The following SLC60A1 variants were observed in gnomAD, a reference collection of about 807,000 sequenced individuals.
SLC60A1 encodes the protein major facilitator superfamily domain containing 4.
chr1:205,569,494 C>CCCTCA, the SLC60A1 span, among the ~76,000 whole-genome samples: 2 of 148,328 alleles, frequency 1.3e-5, no homozygotes, highest in African/African-American at 4.9e-5. Context: ...CTCCCTCCCT[C>CCCTCA]CCCCGCAGCT....
At chr1:205,584,896 T>C in the SLC60A1 span, 1 of 1,614,108 alleles carries the variant, frequency 6.2e-7, no homozygotes, top group Non-Finnish European at 8.5e-7. Flanking sequence ...CCTGTTCAGC[T>C]GCTGCCAAAG....
the SLC60A1 span, chr1:205,600,383 C>T: frequency 6.2e-7 from 1 of 1,612,662 alleles, no homozygotes; most frequent in Non-Finnish European, 8.5e-7. Flanking sequence ...AAACATGCTA[C>T]CTGTTTTGTT....
chr1:205,569,831 C>G, the SLC60A1 span, among the ~76,000 whole-genome samples: 1 of 152,144 alleles, frequency 6.6e-6, no homozygotes, highest in Non-Finnish European at 1.5e-5. Context: ...CTGTAGGCAG[C>G]TCCACATCAG....
the SLC60A1 span, chr1:205,602,486 G>T: frequency 2.0e-5 from 3 of 152,622 alleles, no homozygotes; most frequent in Non-Finnish European, 2.9e-5. Context: ...AAGTGAATTT[G>T]TATAAAGCAA....
chr1:205,587,361 G>C, the SLC60A1 span, among the ~76,000 whole-genome samples: 2 of 152,124 alleles, frequency 1.3e-5, no homozygotes, highest in Admixed American at 1.3e-4. Context: ...TTGGACATAA[G>C]GTTGCAGTTT....
chr1:205,586,304 T>A, the SLC60A1 span: 1 of 1,421,818 alleles, frequency 7.0e-7, no homozygotes, highest in Non-Finnish European at 9.7e-7. Flanking sequence ...GCCTACATTC[T>A]GCCAGCAGGA....
chr1:205,592,327 G>A, the SLC60A1 span: 3 of 1,563,556 alleles, frequency 1.9e-6, no homozygotes, highest in African/African-American at 4.1e-5. Flanking sequence ...GCTCTATCTA[G>A]CTGGGCGCCG....
the SLC60A1 span, chr1:205,601,591 G>A: frequency 6.6e-6 from 1 of 151,836 alleles, no homozygotes; most frequent in Non-Finnish European, 1.5e-5. Flanking sequence ...TTTTGTTTTT[G>A]TTTTTGTTTT....
chr1:205,581,750 C>G, the SLC60A1 span, among the ~76,000 whole-genome samples: 2 of 152,196 alleles, frequency 1.3e-5, no homozygotes, highest in African/African-American at 4.8e-5. This position sits in a 1 kb window ranked among gnomAD's most constrained non-coding sequence, Gnocchi z 4.2. Flanking sequence ...AGTAGGTGGA[C>G]TTCTCAGCTC....
chr1:205,597,529 C>T, the SLC60A1 span: 11 of 346,802 alleles, frequency 3.2e-5, 1 homozygote, highest in South Asian at 3.0e-4. Context: ...GCTGGGACTA[C>T]AGGTGCACAC....
the SLC60A1 span, among the ~76,000 whole-genome samples, chr1:205,590,568 A>G: frequency 1.1e-4 from 16 of 152,314 alleles, no homozygotes; most frequent in Admixed American, 1.0e-3. Flanking sequence ...GGGCTGCTAG[A>G]GGAGCGTAAA....
At chr1:205,590,253 C>A in the SLC60A1 span, among the ~76,000 whole-genome samples, 1 of 152,202 alleles carries the variant, frequency 6.6e-6, no homozygotes, top group African/African-American at 2.4e-5. Flanking sequence ...AGAAGAGAAT[C>A]CTGGGCCACC....
the SLC60A1 span, among the ~76,000 whole-genome samples, chr1:205,576,404 G>T: frequency 6.6e-6 from 1 of 152,136 alleles, no homozygotes; most frequent in African/African-American, 2.4e-5. Flanking sequence ...TGGACTCCTC[G>T]TGGCAGCCCC....
chr1:205,597,694 T>C, the SLC60A1 span: 2 of 1,436,578 alleles, frequency 1.4e-6, no homozygotes, highest in African/African-American at 1.4e-5. Context: ...CATATGCCAC[T>C]GTGCCTGGCC....
chr1:205,600,275 T>C, the SLC60A1 span: 1 of 877,044 alleles, frequency 1.1e-6, no homozygotes, highest in Non-Finnish European at 1.7e-6. Flanking sequence ...GGTCTGACTT[T>C]TCACTTTGCT....
chr1:205,569,171 C>T, the SLC60A1 span: 322 of 1,543,346 alleles, frequency 2.1e-4, no homozygotes, highest in African/African-American at 3.4e-3. Flanking sequence ...GCATCGCCTT[C>T]CTGGGGCCCA....
the SLC60A1 span, among the ~76,000 whole-genome samples, chr1:205,579,044 G>T: frequency 4.6e-4 from 70 of 152,250 alleles, no homozygotes; most frequent in African/African-American, 1.7e-3. Context: ...GCCTGCTGTG[G>T]GCTTTTCTAT....
At chr1:205,580,432 G>A in the SLC60A1 span, among the ~76,000 whole-genome samples, 2 of 152,106 alleles carry the variant, frequency 1.3e-5, no homozygotes, top group African/African-American at 4.8e-5. The surrounding 1 kb of genome is among the most constrained non-coding windows in gnomAD (Gnocchi z 5.0). Context: ...ATCCCAGGCT[G>A]GCAGGGTGGT....
the SLC60A1 span, chr1:205,580,049 T>G: frequency 1.5e-6 from 2 of 1,295,632 alleles, no homozygotes; most frequent in East Asian, 5.1e-5. The surrounding 1 kb of genome is among the most constrained non-coding windows in gnomAD (Gnocchi z 5.0). Context: ...AGGGGCCCAC[T>G]TACCAGCTGG....
Sources: allele counts gnomAD v4.1 joint callset (sites outside exome capture counted in the v4.1 genomes callset), GRCh38; gene constraint gnomAD v4.1.1; non-coding constraint Gnocchi (gnomAD v3.1); transcripts MANE v1.5; gene names NCBI Gene and HGNC (gene_info 2026-07-23, HGNC 2026-07-21).